The following ZNF267 variants were observed in gnomAD, a reference collection of about 807,000 sequenced individuals.
ZNF267 encodes the protein zinc finger protein 267.
ZNF267 carries 61 observed loss-of-function variants against 71.6 expected under a neutral mutation model. That is an observed-to-expected ratio of 0.85 (90% CI 0.69 to 1.05). The LOEUF is 1.05. Ranked by LOEUF, ZNF267 falls within the 50% of genes least tolerant of loss-of-function variation. The probability of loss-of-function intolerance (pLI) is 0.00; values close to 1 mark genes in which losing one functional copy is unlikely to be tolerated. For missense variants in ZNF267, 852 were observed against 870.0 expected (o/e 0.98, Z 0.26); for synonymous variants, 288 against 293.2 (o/e 0.98, Z 0.18).
chr16:31,909,188 A>G (rs2084116671), intron 3 of ZNF267, among the ~76,000 whole-genome samples: 1 of 126,840 alleles, frequency 7.9e-6, no homozygotes, highest in Non-Finnish European at 1.6e-5. Context: ...GTGCAGTAGC[A>G]CGATCTCGGC....
Position 31,916,617 on chromosome 16 carries a change from A to G in ZNF267, c.*136A>G. ...TAACTATTTTCAAGCCTTACACAAT[A>G]GCAGAGAATATAAACTGAAAAAATC... On this transcript the variant is annotated 3_prime_UTR_variant, in exon 4 of 4. Transcript: ENST00000300870. The G allele has an allele frequency of 1.1e-6, 1 of 878,168 alleles. No individual in the cohort carries two copies. Among genetic ancestry groups the G allele is most frequent in the Non-Finnish European group, 1.7e-6 (1 of 591,306 alleles). The allele number at this position is 878,168 out of a possible 1,614,324, so 54.4% of individuals were successfully genotyped here.
chr16:31,900,005 C>T (rs1026518924), intron 3 of ZNF267, among the ~76,000 whole-genome samples: 7 of 151,820 alleles, frequency 4.6e-5, no homozygotes, highest in Non-Finnish European at 7.4e-5. Flanking sequence ...TATACACACA[C>T]ACACACATAC....
intron 1 of ZNF267, among the ~76,000 whole-genome samples, chr16:31,881,113 G>T (rs892287920): frequency 6.6e-6 from 1 of 152,160 alleles, no homozygotes; most frequent in Non-Finnish European, 1.5e-5. Flanking sequence ...AGATAATTAT[G>T]TAGCTACTAA....
At chr16:31,880,640 A>G (rs1477022762) in intron 1 of ZNF267, among the ~76,000 whole-genome samples, 1 of 152,216 alleles carries the variant, frequency 6.6e-6, no homozygotes, top group Non-Finnish European at 1.5e-5. Flanking sequence ...CTGTGCAGGC[A>G]GGGGACAGGC....
Position 31,915,028 on chromosome 16 carries a change from A to G in ZNF267, c.779A>G (p.Gln260Arg). 6.2e-7 allele frequency: 1 copy of G among 1,611,098 alleles called. No homozygotes were observed. Among genetic ancestry groups the G allele is most frequent in the Non-Finnish European group, 8.5e-7 (1 of 1,179,234 alleles). ...EEVFLQSMHG[Q>R]EKQEQSYKCN... ...GTCTTTCTTCAGAGTATGCATGGGC[A>G]AGAGAAACAAGAACAGTCTTACAAA... The change falls in exon 4 of 4, where the codon CAA becomes CGA. Residue 260 changes from glutamine to arginine, a missense_variant. Transcript: ENST00000300870.
At position 31,916,858 on chromosome 16, in the gene ZNF267, C is replaced by T. The variant is rs1409123774; in HGVS notation, c.*377C>T. 1 of 177,668 alleles carries T rather than the reference C, an allele frequency of 5.6e-6. No homozygotes were observed. The highest frequency in any genetic ancestry group is 1.2e-5 in the Non-Finnish European group (1 of 83,014). 11.0% of individuals were successfully genotyped at this position (177,668 alleles called of 1,614,324 possible). A position where few individuals can be genotyped will look rare whatever the true frequency, so the allele number is the denominator to read the frequency against. On this transcript the variant is annotated 3_prime_UTR_variant, in exon 4 of 4. Coordinates refer to ENST00000300870, the MANE Select transcript of ZNF267 (RefSeq NM_003414.6). ...AATAAAAAATGAAGTCTAAATGTGT[C>T]AGAGAATTTATGTGAGAAAGGACTA...
In ZNF267 at chr16:31,904,357, C is replaced by T. The variant is rs1306063538; in HGVS notation, c.227-10119C>T. ...TGGATATCCTTGTTAACTTTCTGTC[C>T]TGTTGATCTGTCTAATGTTGACAAT... On this transcript the variant is annotated intron_variant, in intron 3 of 3. Coordinates refer to ENST00000300870, the MANE Select transcript of ZNF267 (RefSeq NM_003414.6). Among the ~76,000 whole-genome samples, 3 of 151,872 alleles carry T rather than the reference C, an allele frequency of 2.0e-5. No homozygotes were observed. In the East Asian group the frequency reaches 5.8e-4, roughly 29 times the overall value.
At position 31,875,214 on chromosome 16, in the gene ZNF267, A is replaced by G. The variant is rs184573935; in HGVS notation, c.3+1245A>G. The G allele has an allele frequency of 6.1e-4, 784 of 1,289,106 alleles. 6 individuals are homozygous for G. In the African/African-American group the frequency reaches 0.011, roughly 18 times the overall value. 79.9% of individuals were successfully genotyped at this position (1,289,106 alleles called of 1,614,324 possible). On this transcript the variant is annotated intron_variant, in intron 1 of 3. Transcript: ENST00000300870. ...TTCCTGAATTTCAGAACTGTCTGGG[A>G]TGACTCAAGATGCCCACAGTGGCCA... is the stretch of plus-strand genomic sequence containing the variant.
intron 1 of ZNF267, among the ~76,000 whole-genome samples, chr16:31,878,077 G>A (rs751121890): frequency 5.3e-5 from 8 of 152,150 alleles, no homozygotes; most frequent in Non-Finnish European, 1.2e-4. Context: ...TGTGGGGCCT[G>A]CGCTGACTCT....
At chr16:31,910,546 A>G (rs909942725) in intron 3 of ZNF267, among the ~76,000 whole-genome samples, 2 of 151,670 alleles carry the variant, frequency 1.3e-5, no homozygotes, top group Non-Finnish European at 2.9e-5. Context: ...ACAGTTGTTA[A>G]TAATAGCCAC....
chr16:31,904,607 A>AC (rs1330345074), intron 3 of ZNF267, among the ~76,000 whole-genome samples: 2 of 151,662 alleles, frequency 1.3e-5, no homozygotes, highest in South Asian at 2.1e-4. Context: ...TAGGATTGCA[A>AC]CCCTGCCTTT....
At chr16:31,906,906 G>A (rs2084095601) in intron 3 of ZNF267, among the ~76,000 whole-genome samples, 1 of 152,030 alleles carries the variant, frequency 6.6e-6, no homozygotes, top group African/African-American at 2.4e-5. Context: ...GTTCCTATTG[G>A]CCATCTTGGC....
chr16:31,914,838 T>C lies in ZNF267; in HGVS notation c.589T>C (p.Phe197Leu). Residue 197 changes from phenylalanine (F) to leucine (L), a missense_variant, in exon 4 of 4, where the codon TTT becomes CTT. Transcript: ENST00000300870. ...CATATATGATAAAACTTCAGTGTTA[T>C]TTAGGCAGGTCTCTACTCTAAATAG... ...HHIYDKTSVLFRQVSTLNSYR... is the reference protein window; with the variant it reads ...HHIYDKTSVLLRQVSTLNSYR... 9 of 1,610,998 alleles carry C rather than the reference T, an allele frequency of 5.6e-6. No individual in the cohort carries two copies. The highest frequency in any genetic ancestry group is 4.4e-5 in the South Asian group (4 of 90,038).
chr16:31,916,284 C>T lies in ZNF267; in HGVS notation c.2035C>T (p.Arg679Trp), dbSNP rs761953170. The change falls in exon 4 of 4, where the codon CGG (arginine) becomes TGG (tryptophan). Residue 679 changes from arginine to tryptophan, a missense_variant. By Grantham distance (101) the Arg-to-Trp change is moderately radical. Transcript: ENST00000300870. ...FNSRSYLTTH[R>W]RRHTGERPYK... ...CTCTAGGTCATACCTCACTACACAT[C>T]GGAGAAGACATACTGGAGAGAGACC... 2.1e-5 allele frequency: 34 copies of T among 1,613,924 alleles called. No homozygotes were observed. Among genetic ancestry groups the T allele is most frequent in the African/African-American group, 1.5e-4 (11 of 74,906 alleles).
intron 3 of ZNF267, among the ~76,000 whole-genome samples, chr16:31,904,137 C>T (rs962926996): frequency 2.0e-5 from 3 of 152,240 alleles, no homozygotes; most frequent in African/African-American, 7.2e-5. Flanking sequence ...TTGGATTGCA[C>T]TGTGGTGTGA....
Position 31,915,946 on chromosome 16 carries a change from A to G in ZNF267, c.1697A>G (p.His566Arg). 1 of 1,613,986 alleles carries G rather than the reference A, an allele frequency of 6.2e-7. No homozygotes were observed. The highest frequency in any genetic ancestry group is 1.6e-4 in the Middle Eastern group (1 of 6,062). ...AFPYSSHLIR[H>R]HRIHTGEKPY... ...CCTTATAGTTCACACCTTATTCGAC[A>G]TCATCGAATTCATACTGGAGAAAAA... The change falls in exon 4 of 4, where the codon CAT (histidine) becomes CGT (arginine). Residue 566 changes from histidine to arginine, a missense_variant. Coordinates refer to ENST00000300870, the MANE Select transcript of ZNF267 (RefSeq NM_003414.6).
chr16:31,915,179 TAGAA>T lies in ZNF267; in HGVS notation c.933_936del (p.Arg311SerfsTer3), dbSNP rs1323471543. ...AAGATCTTAGTCAGTCATCAAATCT[TAGAA>T]AGCAGATAATCCATAATGAAGAGAA... On this transcript the variant is annotated frameshift_variant, in exon 4 of 4. Transcript: ENST00000300870. LOFTEE classifies it high-confidence loss of function. 1.9e-6 allele frequency: 3 copies of T among 1,612,882 alleles called. No homozygotes were observed. Among genetic ancestry groups the T allele is most frequent in the African/African-American group, 1.3e-5 (1 of 74,806 alleles).
Position 31,916,572 on chromosome 16 carries a change from T to A in ZNF267, c.*91T>A. ...TATGGGAGTGAAACCCTACAAATGT[T>A]AAGAATGTGGCATAACCTTTAACTA... On this transcript the variant is annotated 3_prime_UTR_variant, in exon 4 of 4. Coordinates refer to ENST00000300870, the MANE Select transcript of ZNF267 (RefSeq NM_003414.6). 1 of 1,252,922 alleles carries A rather than the reference T, an allele frequency of 8.0e-7. No individual in the cohort carries two copies. The highest frequency in any genetic ancestry group is 1.1e-6 in the Non-Finnish European group (1 of 914,272). 77.6% of individuals were successfully genotyped at this position (1,252,922 alleles called of 1,614,324 possible).
intron 3 of ZNF267, chr16:31,894,996 A>G (rs2083987471): frequency 1.8e-5 from 6 of 326,670 alleles, no homozygotes; most frequent in Non-Finnish European, 3.6e-5. Context: ...TGTTCAAAAT[A>G]TGAAACTGCG....
Sources: allele counts gnomAD v4.1 joint callset (sites outside exome capture counted in the v4.1 genomes callset), GRCh38; gene constraint gnomAD v4.1.1; transcripts MANE v1.5; gene names NCBI Gene and HGNC (gene_info 2026-07-23, HGNC 2026-07-21).